Variants in PTPRN2 observed in about 807,000 individuals in gnomAD.
PTPRN2 encodes the protein protein tyrosine phosphatase receptor type N2.
A neutral mutation model predicts 118.8 loss-of-function variants in PTPRN2; 74 were observed. The ratio of observed to expected loss-of-function variants is 0.62; its 90% CI spans 0.52 to 0.76. The LOEUF (loss-of-function observed/expected upper bound fraction) is 0.76. Ranked by LOEUF, PTPRN2 falls within the 30% of genes least tolerant of loss-of-function variation. The probability of loss-of-function intolerance (pLI) is 0.00; values close to 1 mark genes in which losing one functional copy is unlikely to be tolerated. For missense variants in PTPRN2, 1,481 were observed against 1,394.4 expected (o/e 1.06, Z -0.99); for synonymous variants, 641 against 608.0 (o/e 1.05, Z -0.80).
intron 17 of PTPRN2, among the ~76,000 whole-genome samples, chr7:157,581,301 C>T (rs1243173259): frequency 6.6e-6 from 1 of 152,232 alleles, no homozygotes; most frequent in Admixed American, 6.5e-5. Context: ...CTGATACTCC[C>T]CAGTTTTACA....
At chr7:157,542,899 G>A (rs745903849) in intron 22 of PTPRN2, among the ~76,000 whole-genome samples, 5 of 152,194 alleles carry the variant, frequency 3.3e-5, no homozygotes, top group Non-Finnish European at 7.4e-5. Flanking sequence ...GGCGTTTGAG[G>A]GGACAGGGGC....
intron 5 of PTPRN2, among the ~76,000 whole-genome samples, chr7:158,188,985 A>T (rs1344522737): frequency 6.6e-6 from 1 of 152,156 alleles, no homozygotes; most frequent in Non-Finnish European, 1.5e-5. Context: ...CATGCAGTAC[A>T]CTGTGCTCGG....
chr7:157,763,703 G>C lies in PTPRN2; in HGVS notation c.1789-80766C>G, dbSNP rs1046593228. ...AATTAATTCCTCCCTTGGATGCTGA[G>C]GGCTGGTGGCTGGTCCTCTCTTCGC... is the stretch of plus-strand genomic sequence containing the variant. On this transcript the variant is annotated intron_variant, in intron 12 of 22. Transcript: ENST00000389418. This position sits in a 1 kb window ranked among gnomAD's most constrained non-coding sequence, Gnocchi z 4.9. Among the ~76,000 whole-genome samples, 2 of 152,034 alleles carry C rather than the reference G, an allele frequency of 1.3e-5. No homozygotes were observed. Among genetic ancestry groups the C allele is most frequent in the African/African-American group, 4.8e-5 (2 of 41,388 alleles).
At chr7:158,444,632 C>T (rs1326414001) in intron 2 of PTPRN2, among the ~76,000 whole-genome samples, 1 of 152,180 alleles carries the variant, frequency 6.6e-6, no homozygotes, top group Non-Finnish European at 1.5e-5. Context: ...AAGTGAAAGC[C>T]TCGGACCGTG....
intron 11 of PTPRN2, among the ~76,000 whole-genome samples, chr7:158,071,456 T>TTGAGGTGCTCGTGGTGGTG (rs1811624894): frequency 5.0e-5 from 1 of 20,184 alleles, no homozygotes; most frequent in Non-Finnish European, 1.0e-4. Flanking sequence ...TGCTCGTGGT[T>TTGAGGTGCTCGTGGTGGTG]GAGGTGCTCG....
At chr7:158,556,630 G>A (rs1827014700) in intron 1 of PTPRN2, among the ~76,000 whole-genome samples, 1 of 152,142 alleles carries the variant, frequency 6.6e-6, no homozygotes, top group Non-Finnish European at 1.5e-5. Context: ...ATGATTCAAA[G>A]GTAGATAGGT....
chr7:157,802,792 G>T (rs983912413), intron 12 of PTPRN2, among the ~76,000 whole-genome samples: 3 of 152,194 alleles, frequency 2.0e-5, no homozygotes, highest in African/African-American at 7.2e-5. Flanking sequence ...TCGTGGCTCT[G>T]ATTTGCATGT....
At chr7:158,351,595 T>C (rs1807940580) in intron 2 of PTPRN2, among the ~76,000 whole-genome samples, 1 of 152,100 alleles carries the variant, frequency 6.6e-6, no homozygotes, top group Non-Finnish European at 1.5e-5. Context: ...ACGAGTGAAA[T>C]GGCAGAAGGA....
intron 2 of PTPRN2, among the ~76,000 whole-genome samples, chr7:158,378,778 A>G (rs1342660730): frequency 6.6e-6 from 1 of 152,176 alleles, no homozygotes; most frequent in Non-Finnish European, 1.5e-5. Context: ...TTTAATCAAT[A>G]CATTGAAGAT....
At chr7:158,431,307 T>C (rs1816156499) in intron 2 of PTPRN2, among the ~76,000 whole-genome samples, 1 of 138,910 alleles carries the variant, frequency 7.2e-6, no homozygotes, top group South Asian at 2.5e-4. Context: ...ACACCAGGCT[T>C]ACACTGGGCA....
chr7:157,548,021 C>T (rs939418678), intron 22 of PTPRN2, among the ~76,000 whole-genome samples: 2 of 151,298 alleles, frequency 1.3e-5, no homozygotes, highest in African/African-American at 2.5e-5. Flanking sequence ...TTGGTCACTG[C>T]GCTGTGGTTA....
At position 157,929,004 on chromosome 7, in the gene PTPRN2, G is replaced by A. The variant is rs1799196640; in HGVS notation, c.1724-30267C>T. Reference sequence around the variant, plus strand: ...CACGTCCAGAACGTCAGGGCAGGAGGGGACATGGAGATGGTTTAACCTCAC... The same window carrying A: ...CACGTCCAGAACGTCAGGGCAGGAGAGGACATGGAGATGGTTTAACCTCAC... On this transcript the variant is annotated intron_variant, in intron 11 of 22. Transcript: ENST00000389418. This position sits in a 1 kb window ranked among gnomAD's most constrained non-coding sequence, Gnocchi z 4.4. Among the ~76,000 whole-genome samples, 1 of 152,126 alleles carries A rather than the reference G, an allele frequency of 6.6e-6. No homozygotes were observed. The highest frequency in any genetic ancestry group is 2.4e-5 in the African/African-American group (1 of 41,420).
At chr7:157,631,831 CAA>C (rs564048764) in intron 14 of PTPRN2, among the ~76,000 whole-genome samples, 2,522 of 72,380 alleles carry the variant, frequency 0.035, 56 homozygotes, top group African/African-American at 0.096. Flanking sequence ...GACTCCGTCT[CAA>C]AAAAAAAAAA....
intron 11 of PTPRN2, among the ~76,000 whole-genome samples, chr7:158,018,825 G>C (rs1286652830): frequency 6.6e-6 from 1 of 152,040 alleles, no homozygotes; most frequent in Middle Eastern, 3.4e-3. Context: ...GCTGGGCGTC[G>C]TGGTAGGTGC....
At position 158,003,349 on chromosome 7, in the gene PTPRN2, G is replaced by A. The variant is rs1805411782; in HGVS notation, c.1723+77949C>T. 1.4e-5 allele frequency among the ~76,000 whole-genome samples: 2 copies of A among 147,914 alleles called. No individual in the cohort carries two copies. The highest frequency in any genetic ancestry group is 6.8e-5 in the Admixed American group (1 of 14,610). The stretch of plus-strand genomic sequence containing the variant: ...GAATGGCATGAACCTGGGAGGCGGA[G>A]CTTGCAGTGAGCCGAGATCGCGCCA... On this transcript the variant is annotated intron_variant, in intron 11 of 22. Transcript: ENST00000389418. The surrounding 1 kb of genome is among the most constrained non-coding windows in gnomAD (Gnocchi z 5.0).
At chr7:158,136,219 T>C (rs554268900) in intron 8 of PTPRN2, among the ~76,000 whole-genome samples, 23 of 152,298 alleles carry the variant, frequency 1.5e-4, no homozygotes, top group East Asian at 5.8e-4. Flanking sequence ...TTTTATTCAA[T>C]TTAAATATAG....
intron 11 of PTPRN2, among the ~76,000 whole-genome samples, chr7:158,012,382 G>GA (rs1806114267): frequency 6.6e-6 from 1 of 152,116 alleles, no homozygotes; most frequent in Non-Finnish European, 1.5e-5. Context: ...ATATTTCAAA[G>GA]AAAAAATCCA....
chr7:158,404,405 G>A (rs1315143662), intron 2 of PTPRN2, among the ~76,000 whole-genome samples: 5 of 152,160 alleles, frequency 3.3e-5, no homozygotes, highest in Non-Finnish European at 7.3e-5. Flanking sequence ...ACCTCCTGCT[G>A]CAGGGGCTGT....
At chr7:158,430,541 G>A (rs1354652615) in intron 2 of PTPRN2, among the ~76,000 whole-genome samples, 2 of 152,272 alleles carry the variant, frequency 1.3e-5, no homozygotes, top group Non-Finnish European at 2.9e-5. Flanking sequence ...TTCCCGCTCT[G>A]AGAGTCAAGA....
Sources: gnomAD v4.1 joint callset for allele counts (sites outside exome capture counted in the v4.1 genomes callset) on GRCh38, gnomAD v4.1.1 for gene constraint, Gnocchi (gnomAD v3.1) non-coding constraint, MANE v1.5 for transcripts, NCBI Gene and HGNC (gene_info 2026-07-23, HGNC 2026-07-21) for gene names.